The following UNC45B variants were observed in gnomAD, a reference collection of about 807,000 sequenced individuals.
UNC45B encodes protein unc-45 homolog B.
A neutral mutation model predicts 98.7 loss-of-function variants in UNC45B; 78 were observed. That is an observed-to-expected ratio of 0.79 (90% confidence interval 0.66 to 0.95). UNC45B has a LOEUF of 0.95. Among genes scored for constraint, UNC45B ranks in the 40% least tolerant of loss-of-function variants. UNC45B has a pLI of 0.00. For synonymous variants in UNC45B, 462 were observed against 480.4 expected, an observed-to-expected ratio of 0.96 and a Z score of 0.50; for missense variants, 1,225 against 1,184.9, an observed-to-expected ratio of 1.03 and a Z score of -0.50.
At chr17:35,176,134 C>A in intron 15 of UNC45B, 100 bp downstream of exon 15, 1 of 1,182,356 alleles carries the variant, frequency 8.5e-7, no homozygotes, top group South Asian at 1.3e-5. Context: ...TCCTGGAATA[C>A]GGCCACCAGT....
rs186477596 is a variant in UNC45B, at chr17:35,164,849, G to C, written c.1151+683G>C. Among the ~76,000 whole-genome samples, 16 of 151,514 alleles carry C rather than the reference G, an allele frequency of 1.1e-4. No individual in the cohort carries two copies. The East Asian group carries it at 2.9e-3, about 28-fold the overall frequency. On this transcript the variant is annotated intron_variant, in intron 9 of 19. Transcript: ENST00000394570. The stretch of plus-strand genomic sequence containing the variant: ...TAATCCTCCTACCTCAGCCTCCCAG[G>C]GTAGCTGGGACTACAGGCACTTGCC...
chr17:35,159,630 T>C (rs2092088889), intron 8 of UNC45B, 85 bp downstream of exon 8: 21 of 1,457,504 alleles, frequency 1.4e-5, no homozygotes, highest in African/African-American at 5.6e-5. Context: ...GATGTGAGGC[T>C]CTTGAAGGGG....
At chr17:35,184,183 T>C (rs1354212378) in intron 19 of UNC45B, among the ~76,000 whole-genome samples, 1 of 152,172 alleles carries the variant, frequency 6.6e-6, no homozygotes, top group Non-Finnish European at 1.5e-5. Context: ...GGCAGGCTCT[T>C]CTAGATAGTC....
intron 8 of UNC45B, 71 bp from the exon 9 acceptor site, chr17:35,163,924 C>T: frequency 2.8e-6 from 4 of 1,453,740 alleles, no homozygotes; most frequent in Non-Finnish European, 3.7e-6. Flanking sequence ...GATAACAAGT[C>T]ACTGAGTGAG....
At chr17:35,169,564 G>A (rs952261085) in intron 10 of UNC45B, among the ~76,000 whole-genome samples, 1 of 152,124 alleles carries the variant, frequency 6.6e-6, no homozygotes, top group African/African-American at 2.4e-5. Context: ...AAAATGGCAG[G>A]CACAATACAT....
rs1435440180 is a variant in UNC45B at position 35,177,444 on chromosome 17, C to T, written c.2140-51C>T. ...GCTGGTCACCTATAAATGTGAGGCA[C>T]TCAGGGAACAAAGTCCTCACCTGAC... On this transcript the variant is annotated intron_variant, in intron 16 of 19. Transcript: ENST00000394570. 4 of 1,371,670 alleles carry T rather than the reference C, an allele frequency of 2.9e-6. No individual in the cohort carries two copies. In the African/African-American group the frequency reaches 4.3e-5, roughly 15 times the overall value. The allele number at this position is 1,371,670 out of a possible 1,614,324, so 85.0% of individuals were successfully genotyped here.
intron 17 of UNC45B, among the ~76,000 whole-genome samples, chr17:35,179,670 A>C (rs968281389): frequency 6.6e-6 from 1 of 151,512 alleles, no homozygotes; most frequent in African/African-American, 2.4e-5. Flanking sequence ...CAAACACCGC[A>C]TGTTCTCACT....
intron 2 of UNC45B, among the ~76,000 whole-genome samples, 184 bp from the exon 3 acceptor site, chr17:35,148,789 A>G (rs549714249): frequency 5.2e-4 from 79 of 152,160 alleles, no homozygotes; most frequent in Non-Finnish European, 1.0e-3. Context: ...CCGAGATTCA[A>G]ACCTGGGTTT....
chr17:35,177,061 G>A lies in UNC45B; in HGVS notation c.2070G>A (p.Val690=), dbSNP rs1222863130. Residue 690 remains valine, a synonymous_variant, in exon 16 of 20, where the codon GTG becomes GTA. Coordinates refer to ENST00000394570, the MANE Select transcript of UNC45B (RefSeq NM_001267052.2). ...TGGAGGGCACAGATGTGGGCAAGGT[G>A]AAGGCAGCCCACGCTCTAGCAAAGA... ...LALEGTDVGK[V]KAAHALAKIA... is the part of the protein sequence containing the mutation. The A allele has an allele frequency of 1.9e-6, 3 of 1,614,224 alleles. No homozygotes were observed. The highest frequency in any genetic ancestry group is 2.5e-6 in the Non-Finnish European group (3 of 1,180,044).
At position 35,168,171 on chromosome 17, in the gene UNC45B, G is replaced by A. The variant is rs2092154770; in HGVS notation, c.1262G>A (p.Gly421Asp). The A allele has an allele frequency of 1.9e-6, 3 of 1,607,178 alleles. No individual in the cohort carries two copies. The highest frequency in any genetic ancestry group is 1.7e-6 in the Non-Finnish European group (2 of 1,176,516). ...GGCAACCAGCTGCTGGGACTGAAAG[G>A]TGTGATGGAGATGATGGTGGCACTA... Reference protein sequence around the residue: ...DLGNQLLGLKGVMEMMVALCG... With the variant: ...DLGNQLLGLKDVMEMMVALCG... Residue 421 changes from glycine (G) to aspartate (D), a missense_variant, in exon 10 of 20, where the codon GGT becomes GAT. Transcript: ENST00000394570.
chr17:35,155,507 G>T, intron 7 of UNC45B, 43 bp downstream of exon 7: 1 of 1,598,804 alleles, frequency 6.3e-7, no homozygotes, highest in Non-Finnish European at 8.6e-7. Flanking sequence ...GATGGGGAAA[G>T]AAAAGGTCAG....
chr17:35,154,768 G>T (rs1281322444), intron 6 of UNC45B, 27 bp downstream of exon 6: 2 of 1,547,004 alleles, frequency 1.3e-6, no homozygotes, highest in East Asian at 2.3e-5. Flanking sequence ...GGGGCATGTG[G>T]AGCAGACGAC....
chr17:35,162,252 G>A (rs1597914822), intron 8 of UNC45B, among the ~76,000 whole-genome samples: 5 of 152,268 alleles, frequency 3.3e-5, no homozygotes, highest in Admixed American at 2.0e-4. Flanking sequence ...GCTGGCATCC[G>A]AAGGAGGGTA....
At chr17:35,171,035 G>A (rs928868273) in intron 12 of UNC45B, among the ~76,000 whole-genome samples, 1 of 152,168 alleles carries the variant, frequency 6.6e-6, no homozygotes, top group African/African-American at 2.4e-5. Context: ...AGTTGGATGG[G>A]AAAGTGTTAG....
chr17:35,174,947 GAA>G (rs747731132), intron 14 of UNC45B, among the ~76,000 whole-genome samples: 1 of 143,718 alleles, frequency 7.0e-6, no homozygotes, highest in African/African-American at 2.6e-5. Context: ...GAAAAAGAAA[GAA>G]AGAAAAAGAA....
Position 35,168,175 on chromosome 17 carries a change from G to A in UNC45B, c.1266G>A (p.Val422=). Residue 422 remains valine (V), a synonymous_variant, in exon 10 of 20, where the codon GTG becomes GTA. Coordinates refer to ENST00000394570, the MANE Select transcript of UNC45B (RefSeq NM_001267052.2). The stretch of plus-strand genomic sequence containing the variant: ...ACCAGCTGCTGGGACTGAAAGGTGT[G>A]ATGGAGATGATGGTGGCACTATGTG... ...LGNQLLGLKG[V]MEMMVALCGS... 1 of 1,607,890 alleles carries A rather than the reference G, an allele frequency of 6.2e-7. No individual in the cohort carries two copies. The highest frequency in any genetic ancestry group is 1.1e-5 in the South Asian group (1 of 90,150).
chr17:35,155,183 A>G, intron 6 of UNC45B, 113 bp from the exon 7 acceptor site: 1 of 1,349,158 alleles, frequency 7.4e-7, no homozygotes, highest in Non-Finnish European at 1.0e-6. Context: ...GCCTGGGCTG[A>G]TTTCTCTACT....
At chr17:35,162,915 A>G (rs575733744) in intron 8 of UNC45B, among the ~76,000 whole-genome samples, 2 of 152,172 alleles carry the variant, frequency 1.3e-5, no homozygotes, top group South Asian at 4.1e-4. Context: ...GCTCCAAGCC[A>G]CCTCTAAAAC....
rs952290408 is a variant in UNC45B at position 35,169,824 on chromosome 17, C to G, written c.1453-13C>G. ...TGATCCTGCATGTGTCTGCTGTCTC[C>G]TCTCCTCCTCAGGGACTCTGTAAGC... On this transcript the variant is annotated splice_polypyrimidine_tract_variant and intron_variant, in intron 10 of 19. Transcript: ENST00000394570. The G allele has an allele frequency of 6.2e-7, 1 of 1,613,504 alleles. No individual in the cohort carries two copies. Among genetic ancestry groups the G allele is most frequent in the Non-Finnish European group, 8.5e-7 (1 of 1,179,512 alleles).
Sources: allele counts gnomAD v4.1 joint callset (sites outside exome capture counted in the v4.1 genomes callset), GRCh38; gene constraint gnomAD v4.1.1; transcripts MANE v1.5; gene names NCBI Gene and HGNC (gene_info 2026-07-23, HGNC 2026-07-21).